Variants in NEK7 observed in about 807,000 individuals in gnomAD.
NEK7 encodes serine/threonine-protein kinase Nek7.
A neutral mutation model predicts 44.6 loss-of-function variants in NEK7; 18 were observed. The observed-to-expected ratio is 0.40, with a 90% CI of 0.28 to 0.60. NEK7 has a LOEUF of 0.60. Among genes scored for constraint, NEK7 ranks in the 20% least tolerant of loss-of-function variants. NEK7 has a pLI of 0.38. For synonymous variants in NEK7, 130 were observed against 121.1 expected, an observed-to-expected ratio of 1.07 and a Z score of -0.48; for missense variants, 256 against 366.5, an observed-to-expected ratio of 0.70 and a Z score of 2.46.
chr1:198,158,287 A>G (rs532004223), intron 1 of NEK7, among the ~76,000 whole-genome samples: 1 of 152,220 alleles, frequency 6.6e-6, no homozygotes, highest in Non-Finnish European at 1.5e-5. Flanking sequence ...CACAGAAATA[A>G]AATGATTATT....
At chr1:198,230,658 A>G (rs531784734) in intron 1 of NEK7, among the ~76,000 whole-genome samples, 8 of 152,174 alleles carry the variant, frequency 5.3e-5, no homozygotes, top group African/African-American at 1.9e-4. Flanking sequence ...ATTGTACTGG[A>G]TGTTCTATCT....
intron 9 of NEK7, among the ~76,000 whole-genome samples, chr1:198,314,549 C>A (rs1203371051): frequency 1.3e-5 from 2 of 152,062 alleles, no homozygotes; most frequent in Admixed American, 6.6e-5. Context: ...CTGTTTTTTC[C>A]CCATCTTTGT....
intron 5 of NEK7, among the ~76,000 whole-genome samples, chr1:198,266,420 G>T (rs1220582270): frequency 6.6e-6 from 1 of 152,000 alleles, no homozygotes; most frequent in Non-Finnish European, 1.5e-5. Context: ...TGTGCCAGGT[G>T]CATGGTTCAT....
chr1:198,270,506 A>T (rs964560817), intron 5 of NEK7, among the ~76,000 whole-genome samples: 1 of 152,014 alleles, frequency 6.6e-6, no homozygotes, highest in Non-Finnish European at 1.5e-5. Context: ...CAATACAAAT[A>T]ATTTAAATGG....
chr1:198,170,240 C>T (rs970223245), intron 1 of NEK7, among the ~76,000 whole-genome samples: 63 of 152,102 alleles, frequency 4.1e-4, no homozygotes, highest in Admixed American at 2.2e-3. Flanking sequence ...AGATAGGAAT[C>T]AGGACTAGGA....
intron 1 of NEK7, among the ~76,000 whole-genome samples, chr1:198,162,272 T>C (rs1040659795): frequency 7.9e-5 from 12 of 152,128 alleles, no homozygotes; most frequent in African/African-American, 2.9e-4. Flanking sequence ...CCCTTAGCCC[T>C]CGGGGAAGCC....
Position 198,272,986 on chromosome 1 carries a change from A to G in NEK7, c.373-4975A>G, listed in dbSNP as rs117099202. The stretch of plus-strand genomic sequence containing the variant: ...GCTCATGAAAAATATTTTCTGTTTC[A>G]CATTTTCTACCCTAAGATGAAATAT... On this transcript the variant is annotated intron_variant, in intron 5 of 9. Transcript: ENST00000367385. 2.8e-3 allele frequency among the ~76,000 whole-genome samples: 424 copies of G among 151,764 alleles called. 11 individuals are homozygous for G. The East Asian group carries it at 0.079, about 28-fold the overall frequency.
intron 6 of NEK7, 54 bp from the exon 7 acceptor site, chr1:198,278,900 T>A (rs1654103651): frequency 2.1e-6 from 2 of 968,832 alleles, no homozygotes; most frequent in Admixed American, 4.4e-5. Context: ...TTAATTCCTT[T>A]AAAATTTCTA....
intron 1 of NEK7, among the ~76,000 whole-genome samples, chr1:198,198,568 C>A (rs1362210216): frequency 2.0e-5 from 3 of 152,170 alleles, no homozygotes; most frequent in Non-Finnish European, 4.4e-5. Flanking sequence ...CAGACAGGAT[C>A]CTGTGCTTGG....
chr1:198,256,522 A>G, intron 3 of NEK7: 1 of 1,526,686 alleles, frequency 6.6e-7, no homozygotes, highest in Non-Finnish European at 8.8e-7. Flanking sequence ...CAATTTTGAA[A>G]TTCTCTGTAC....
At chr1:198,262,937 T>C (rs1268094870) in intron 4 of NEK7, among the ~76,000 whole-genome samples, 7 of 151,798 alleles carry the variant, frequency 4.6e-5, no homozygotes, top group African/African-American at 7.2e-5. Flanking sequence ...CAACAAGACA[T>C]ATTCTAAAGG....
At chr1:198,217,161 TGC>T (rs1267254710) in intron 1 of NEK7, among the ~76,000 whole-genome samples, 1 of 152,002 alleles carries the variant, frequency 6.6e-6, no homozygotes, top group Non-Finnish European at 1.5e-5. Context: ...AAAAGTAAAC[TGC>T]GGACAAGTAT....
intron 1 of NEK7, among the ~76,000 whole-genome samples, chr1:198,212,043 G>A (rs553554467): frequency 2.6e-4 from 40 of 152,324 alleles, no homozygotes; most frequent in Admixed American, 7.2e-4. Context: ...AAAGGCATTC[G>A]GATGTGTCTT....
intron 1 of NEK7, among the ~76,000 whole-genome samples, chr1:198,225,400 G>C (rs1666188387): frequency 6.6e-6 from 1 of 152,046 alleles, no homozygotes; most frequent in African/African-American, 2.4e-5. Context: ...GCTGGTGGGG[G>C]ATGAGTAAGA....
chr1:198,301,815 G>A (rs1395873416), intron 9 of NEK7, among the ~76,000 whole-genome samples: 1 of 152,160 alleles, frequency 6.6e-6, no homozygotes, highest in Admixed American at 6.5e-5. Context: ...TAATAAAGTA[G>A]ACTATTATTA....
At chr1:198,311,386 G>A (rs1053801394) in intron 9 of NEK7, among the ~76,000 whole-genome samples, 2 of 152,080 alleles carry the variant, frequency 1.3e-5, no homozygotes, top group Non-Finnish European at 2.9e-5. Flanking sequence ...TCTGCAAACA[G>A]GGACAATTTG....
rs6679100 is a variant in NEK7, at chr1:198,319,579, A to G, written c.*57A>G. ...TAATTGAAAGTATTTTGTGCAAGTC[A>G]TACCTCCCCATTTATGTCTGGTGTT... On this transcript the variant is annotated 3_prime_UTR_variant, in exon 10 of 10. Coordinates refer to ENST00000367385, the MANE Select transcript of NEK7 (RefSeq NM_133494.3). The G allele has an allele frequency of 0.41, 609,544 of 1,502,974 alleles. 140,296 individuals are homozygous for G. Among genetic ancestry groups the G allele is most frequent in the East Asian group, 0.9 (38,372 of 42,808 alleles). 93.1% of individuals were successfully genotyped at this position (1,502,974 alleles called of 1,614,324 possible). A position where few individuals can be genotyped will look rare whatever the true frequency, so the allele number is the denominator to read the frequency against.
At chr1:198,264,422 T>C (rs989851653) in intron 5 of NEK7, among the ~76,000 whole-genome samples, 187 bp downstream of exon 5, 1 of 152,016 alleles carries the variant, frequency 6.6e-6, no homozygotes, top group Non-Finnish European at 1.5e-5. Context: ...CTTGGTGATG[T>C]TTACACTGAT....
intron 2 of NEK7, among the ~76,000 whole-genome samples, chr1:198,248,472 C>T (rs917537508): frequency 6.6e-6 from 1 of 152,180 alleles, no homozygotes; most frequent in Non-Finnish European, 1.5e-5. Flanking sequence ...TCTCTCATAG[C>T]ACAGTGAAGA....
Sources: allele counts gnomAD v4.1 joint callset (sites outside exome capture counted in the v4.1 genomes callset), GRCh38; gene constraint gnomAD v4.1.1; transcripts MANE v1.5; gene names NCBI Gene and HGNC (gene_info 2026-07-23, HGNC 2026-07-21).